Variants in CAST observed in about 807,000 individuals in gnomAD.
The protein encoded by CAST is calpastatin.
A neutral mutation model predicts 119.6 loss-of-function variants in CAST; 76 were observed. The observed-to-expected ratio is 0.64, with a 90% CI of 0.53 to 0.77. CAST has a LOEUF of 0.77. CAST is among the 30% of genes least tolerant of loss of function. The pLI is 0.00. For missense variants in CAST, 953 were observed against 946.5 expected (o/e 1.01, Z -0.09); for synonymous variants, 319 against 331.6 (o/e 0.96, Z 0.41).
the CAST span, among the ~76,000 whole-genome samples, chr5:96,226,423 G>A: frequency 6.6e-6 from 1 of 152,126 alleles, no homozygotes; most frequent in Non-Finnish European, 1.5e-5. Flanking sequence ...GGCTGAGGTG[G>A]GCAGATTGCT....
At chr5:96,046,734 C>T in the CAST span, among the ~76,000 whole-genome samples, 1 of 152,120 alleles carries the variant, frequency 6.6e-6, no homozygotes. Flanking sequence ...ATACCTGAGA[C>T]TGAGAAGAAA....
At chr5:96,622,118 C>T (rs1036201726) in intron 1 of CAST, among the ~76,000 whole-genome samples, 5 of 151,638 alleles carry the variant, frequency 3.3e-5, no homozygotes, top group African/African-American at 1.2e-4. Context: ...TACAGGCACC[C>T]ACCACCACAC....
rs540852128 is a variant in CAST, at chr5:96,605,473, A to G, written c.61-70066A>G. ...AATTCTAAAGGCTTTGTCTTCCAAC[A>G]TATTTTGCCTTCTCCTGATCTTGTA... is the stretch of plus-strand genomic sequence containing the variant. On this transcript the variant is annotated intron_variant, in intron 1 of 11. Transcript: ENST00000505143. 3.9e-5 allele frequency among the ~76,000 whole-genome samples: 6 copies of G among 152,342 alleles called. No individual in the cohort carries two copies. The East Asian group carries it at 1.2e-3, about 29-fold the overall frequency.
the CAST span, among the ~76,000 whole-genome samples, chr5:96,203,491 A>G: frequency 6.1e-4 from 93 of 152,170 alleles, no homozygotes; most frequent in South Asian, 2.3e-3. Context: ...ATATGTGTTT[A>G]TTTGTAAACA....
intron 1 of CAST, among the ~76,000 whole-genome samples, chr5:96,561,780 A>G (rs1313869731): frequency 1.3e-5 from 1 of 74,446 alleles, no homozygotes; most frequent in African/African-American, 4.8e-5. Flanking sequence ...TGTGTATTAT[A>G]TATATGTTTT....
the CAST span, among the ~76,000 whole-genome samples, chr5:96,290,873 G>A: frequency 6.6e-6 from 1 of 152,152 alleles, no homozygotes; most frequent in African/African-American, 2.4e-5. Flanking sequence ...CTATCAGTAG[G>A]CTTTACGTGT....
the CAST span, among the ~76,000 whole-genome samples, chr5:96,453,443 A>T: frequency 6.6e-6 from 1 of 152,374 alleles, no homozygotes; most frequent in East Asian, 1.9e-4. Flanking sequence ...TGTAAACTGA[A>T]TCTTAAGGCA....
At chr5:96,304,941 T>C in the CAST span, among the ~76,000 whole-genome samples, 1 of 152,220 alleles carries the variant, frequency 6.6e-6, no homozygotes, top group Non-Finnish European at 1.5e-5. Context: ...GGGCTCTTTT[T>C]TGGTTCCATA....
At chr5:96,539,189 T>C (rs1408752065) in intron 1 of CAST, among the ~76,000 whole-genome samples, 1 of 152,204 alleles carries the variant, frequency 6.6e-6, no homozygotes, top group African/African-American at 2.4e-5. Context: ...TTCAGGGATA[T>C]AGTGAGTTGT....
the CAST span, among the ~76,000 whole-genome samples, chr5:96,478,151 T>C: frequency 2.0e-5 from 3 of 152,248 alleles, no homozygotes; most frequent in African/African-American, 7.2e-5. Context: ...ACAATTTGTT[T>C]TGTCAAAATC....
chr5:96,741,507 T>C lies in CAST; in HGVS notation c.1025T>C (p.Val342Ala). ...KKTEKEESTE[V>A]LKAQSAGTVR... is the part of the protein sequence containing the mutation. Reference sequence around the variant, plus strand: ...TTTGTTTTTCAGGAATCTACAGAAGTTTTAAAAGCTCAGTCAGCAGGGACA... The same window carrying C: ...TTTGTTTTTCAGGAATCTACAGAAGCTTTAAAAGCTCAGTCAGCAGGGACA... The change falls in exon 15 of 32, where the codon GTT becomes GCT. Residue 342 changes from valine to alanine, a missense_variant. By Grantham distance (64) the Val-to-Ala change is moderately conservative. Coordinates refer to ENST00000675179, the MANE Select transcript of CAST (RefSeq NM_001750.7). 1 of 1,613,030 alleles carries C rather than the reference T, an allele frequency of 6.2e-7. No individual in the cohort carries two copies. Among genetic ancestry groups the C allele is most frequent in the Non-Finnish European group, 8.5e-7 (1 of 1,179,148 alleles).
chr5:96,520,287 T>C (rs1487048843), upstream of CAST, among the ~76,000 whole-genome samples: 1 of 152,258 alleles, frequency 6.6e-6, no homozygotes, highest in Admixed American at 6.5e-5. Flanking sequence ...TCTATTTGCT[T>C]CTGCTATGTC....
chr5:96,192,239 A>T, the CAST span, among the ~76,000 whole-genome samples: 1 of 152,264 alleles, frequency 6.6e-6, no homozygotes, highest in African/African-American at 2.4e-5. Context: ...TGAAAATTAT[A>T]GGTCCAATGC....
the CAST span, among the ~76,000 whole-genome samples, chr5:96,294,728 T>A: frequency 1.1e-4 from 17 of 152,246 alleles, no homozygotes; most frequent in Non-Finnish European, 2.4e-4. Flanking sequence ...TGCCAGCATT[T>A]CGTTGACTAT....
the CAST span, among the ~76,000 whole-genome samples, chr5:96,378,488 CT>C: frequency 3.2e-4 from 48 of 151,970 alleles, no homozygotes; most frequent in East Asian, 8.9e-3. Flanking sequence ...TCAATTATAC[CT>C]TGATAAACCT....
chr5:96,340,013 G>A, the CAST span, among the ~76,000 whole-genome samples: 1 of 152,122 alleles, frequency 6.6e-6, no homozygotes, highest in Non-Finnish European at 1.5e-5. Context: ...TGAACTCATG[G>A]CCTTTCAATG....
At chr5:96,301,680 C>T in the CAST span, among the ~76,000 whole-genome samples, 1 of 152,206 alleles carries the variant, frequency 6.6e-6, no homozygotes, top group African/African-American at 2.4e-5. Context: ...GTCATTAAAT[C>T]TTAAAGCTCC....
the CAST span, among the ~76,000 whole-genome samples, chr5:96,005,634 C>T: frequency 2.0e-5 from 3 of 151,954 alleles, no homozygotes; most frequent in Admixed American, 6.6e-5. Context: ...ATATCAGTTA[C>T]GTTGATTAAA....
chr5:96,722,778 A>G lies in CAST; in HGVS notation c.270+80A>G, dbSNP rs76012800. ...CAAAACAAATGTAGACTAATTGTTG[A>G]TGATGAGTTATATATGCTAGGAAGT... On this transcript the variant is annotated intron_variant, in intron 4 of 31. Transcript: ENST00000675179. 7,022 of 970,292 alleles carry G rather than the reference A, an allele frequency of 7.2e-3. 154 individuals carry two copies. Among genetic ancestry groups the G allele is most frequent in the Admixed American group, 0.042 (2,465 of 58,722 alleles). 60.1% of individuals were successfully genotyped at this position (970,292 alleles called of 1,614,324 possible).
Sources: allele counts gnomAD v4.1 joint callset (sites outside exome capture counted in the v4.1 genomes callset), GRCh38; gene constraint gnomAD v4.1.1; transcripts MANE v1.5; gene names NCBI Gene and HGNC (gene_info 2026-07-23, HGNC 2026-07-21).